The following PCDHGB5 variants were observed in gnomAD, a reference collection of about 807,000 sequenced individuals.
PCDHGB5 encodes protocadherin gamma-B5.
PCDHGB5 carries 48 observed loss-of-function variants against 62.9 expected under a neutral mutation model. The ratio of observed to expected loss-of-function variants is 0.76; its 90% CI spans 0.61 to 0.97. The LOEUF is 0.97. PCDHGB5 is among the 50% of genes least tolerant of loss of function. The probability of loss-of-function intolerance (pLI) is 0.00; values close to 1 mark genes in which losing one functional copy is unlikely to be tolerated. For missense variants in PCDHGB5, 1,118 were observed against 1,198.6 expected, an observed-to-expected ratio of 0.93 and a Z score of 0.99; for synonymous variants, 474 against 511.2, an observed-to-expected ratio of 0.93 and a Z score of 0.98.
rs994324285 is a variant in PCDHGB5 at position 141,455,094 on chromosome 5, G to A, written c.2398-39713G>A. Among the ~76,000 whole-genome samples the A allele has an allele frequency of 3.3e-5, 5 of 152,104 alleles. No individual in the cohort carries two copies. In the Middle Eastern group the frequency reaches 0.014, roughly 414 times the overall value. ...CCCAAAGTGCTGGGATTACAGGCTT[G>A]AGCCACTGCGCCCGGTGGGTCTAAT... On this transcript the variant is annotated intron_variant, in intron 1 of 3. Coordinates refer to ENST00000617380, the MANE Select transcript of PCDHGB5 (RefSeq NM_018925.3).
At chr5:141,505,564 G>GGATGTCAAACCTGTGTAGTTTCTCCA in intron 3 of PCDHGB5, 83 bp downstream of exon 3, 1 of 1,603,196 alleles carries the variant, frequency 6.2e-7, no homozygotes, top group Non-Finnish European at 8.5e-7. Context: ...CCCACGGACT[G>GGATGTCAAACCTGTGTAGTTTCTCCA]GATGTCAAAC....
Position 141,485,428 on chromosome 5 carries a change from C to T in PCDHGB5, c.2398-9379C>T, listed in dbSNP as rs2099613200. Reference sequence around the variant, plus strand: ...TGGATTTGGACAGCGGAGCCCTGCTCATCAAGAACCCAATCGACCGAGAGG... The same window carrying T: ...TGGATTTGGACAGCGGAGCCCTGCTTATCAAGAACCCAATCGACCGAGAGG... On this transcript the variant is annotated intron_variant, in intron 1 of 3. Transcript: ENST00000617380. The surrounding 1 kb of genome is among the most constrained non-coding windows in gnomAD (Gnocchi z 5.7). The T allele has an allele frequency of 2.5e-6, 4 of 1,614,160 alleles. No homozygotes were observed. The highest frequency in any genetic ancestry group is 3.4e-6 in the Non-Finnish European group (4 of 1,180,022).
At chr5:141,414,491 A>T in intron 1 of PCDHGB5, 1 of 1,613,962 alleles carries the variant, frequency 6.2e-7, no homozygotes, top group Non-Finnish European at 8.5e-7. Flanking sequence ...CTATCAACGG[A>T]AGCTCACTTT....
intron 1 of PCDHGB5, chr5:141,415,738 A>G (rs2095905853): frequency 5.6e-6 from 3 of 538,228 alleles, no homozygotes; most frequent in South Asian, 3.9e-5. Context: ...ATGTTTATTA[A>G]GGTTTTTTTT....
chr5:141,490,565 T>C lies in PCDHGB5; in HGVS notation c.2398-4242T>C. ...CTACACAAACATCTCACCATCAGGC[T>C]CAACATTTCAGATGTCAATGACAAT... On this transcript the variant is annotated intron_variant, in intron 1 of 3. Coordinates refer to ENST00000617380, the MANE Select transcript of PCDHGB5 (RefSeq NM_018925.3). This position sits in a 1 kb window ranked among gnomAD's most constrained non-coding sequence, Gnocchi z 5.4. 8 of 1,614,116 alleles carry C rather than the reference T, an allele frequency of 5.0e-6. No individual in the cohort carries two copies. Among genetic ancestry groups the C allele is most frequent in the Non-Finnish European group, 6.8e-6 (8 of 1,180,024 alleles).
intron 1 of PCDHGB5, among the ~76,000 whole-genome samples, chr5:141,454,796 ATTTTTTTTTTTTTTTTTTT>A (rs61612330): frequency 3.9e-5 from 3 of 77,408 alleles, no homozygotes; most frequent in African/African-American, 1.2e-4. Context: ...CATGGTTCTA[ATTTTTTTTTTTTTTTTTTT>A]TTTTTTTTTT....
At position 141,431,376 on chromosome 5, in the gene PCDHGB5, C is replaced by T. The variant is rs558222633; in HGVS notation, c.2397+30852C>T. The T allele has an allele frequency of 1.2e-6, 2 of 1,613,436 alleles. No homozygotes were observed. Among genetic ancestry groups the T allele is most frequent in the African/African-American group, 2.7e-5 (2 of 75,070 alleles). On this transcript the variant is annotated intron_variant, in intron 1 of 3. Coordinates refer to ENST00000617380, the MANE Select transcript of PCDHGB5 (RefSeq NM_018925.3). The surrounding 1 kb of genome is among the most constrained non-coding windows in gnomAD (Gnocchi z 4.8). Reference sequence around the variant, plus strand: ...CGCGCCCTGGACCGCGAAGAAAAGGCTGCTCACCACCTGGTCCTTACGGCC... The same window carrying T: ...CGCGCCCTGGACCGCGAAGAAAAGGTTGCTCACCACCTGGTCCTTACGGCC...
intron 1 of PCDHGB5, among the ~76,000 whole-genome samples, chr5:141,452,803 A>G (rs1045171800): frequency 2.6e-5 from 4 of 152,186 alleles, no homozygotes; most frequent in African/African-American, 9.7e-5. Context: ...TTTTTGCTGT[A>G]GTTTGTTCAT....
chr5:141,398,329 G>A lies in PCDHGB5; in HGVS notation c.202G>A (p.Val68Ile). 1.5e-6 allele frequency: 2 copies of A among 1,358,092 alleles called. No individual in the cohort carries two copies. Among genetic ancestry groups the A allele is most frequent in the African/African-American group, 1.5e-5 (1 of 68,210 alleles). 84.1% of individuals were successfully genotyped at this position (1,358,092 alleles called of 1,614,324 possible). Residue 68 changes from valine to isoleucine, a missense_variant, in exon 1 of 4, where the codon GTC becomes ATC. This residue lies in a region of PCDHGB5 where 84 missense variants were observed against 169.5 expected (regional missense o/e 0.50). Coordinates refer to ENST00000617380, the MANE Select transcript of PCDHGB5 (RefSeq NM_018925.3). ...VQELPTRKLR[V>I]SSEKPYFTVS... is the part of the protein sequence containing the mutation. ...GGAGTTACCGACTCGAAAACTGCGC[G>A]TCAGTTCGGAGAAGCCTTACTTCAC...
chr5:141,445,456 T>A (rs921684111), intron 1 of PCDHGB5, among the ~76,000 whole-genome samples: 8 of 152,218 alleles, frequency 5.3e-5, no homozygotes, highest in Non-Finnish European at 1.0e-4. Flanking sequence ...GATGCAGCAA[T>A]GAACAAGGCA....
chr5:141,449,630 T>G (rs1006977026), intron 1 of PCDHGB5, among the ~76,000 whole-genome samples: 2 of 150,024 alleles, frequency 1.3e-5, no homozygotes, highest in Non-Finnish European at 3.0e-5. Flanking sequence ...TTTAAAAAGA[T>G]GTATCTATAT....
intron 1 of PCDHGB5, chr5:141,478,024 C>T: frequency 2.5e-6 from 4 of 1,614,188 alleles, no homozygotes; most frequent in Non-Finnish European, 3.4e-6. Context: ...CAGTCCAAGA[C>T]ACAGATTCAC....
intron 1 of PCDHGB5, chr5:141,415,423 G>A: frequency 1.2e-6 from 2 of 1,614,204 alleles, no homozygotes; most frequent in Non-Finnish European, 1.7e-6. Context: ...CGTGGACGGG[G>A]TTCGGGCTTT....
At position 141,493,157 on chromosome 5, in the gene PCDHGB5, T is replaced by C. The variant is rs1261889479; in HGVS notation, c.2398-1650T>C. ...TTGAAACACCCCCAGGTGATTTTGATAGCTGATTGAGAGAAACTTACTATA... is the reference window on the plus strand; with the variant it reads ...TTGAAACACCCCCAGGTGATTTTGACAGCTGATTGAGAGAAACTTACTATA... On this transcript the variant is annotated intron_variant, in intron 1 of 3. Coordinates refer to ENST00000617380, the MANE Select transcript of PCDHGB5 (RefSeq NM_018925.3). This position sits in a 1 kb window ranked among gnomAD's most constrained non-coding sequence, Gnocchi z 4.3. 2.0e-5 allele frequency among the ~76,000 whole-genome samples: 3 copies of C among 152,224 alleles called. No individual in the cohort carries two copies. Among genetic ancestry groups the C allele is most frequent in the Admixed American group, 6.5e-5 (1 of 15,286 alleles).
At position 141,486,530 on chromosome 5, in the gene PCDHGB5, C is replaced by T; in HGVS notation, c.2398-8277C>T. 6.2e-7 allele frequency: 1 copy of T among 1,614,174 alleles called. No homozygotes were observed. The highest frequency in any genetic ancestry group is 8.5e-7 in the Non-Finnish European group (1 of 1,180,022). On this transcript the variant is annotated intron_variant, in intron 1 of 3. Transcript: ENST00000617380. The surrounding 1 kb of genome is among the most constrained non-coding windows in gnomAD (Gnocchi z 5.0). Reference sequence around the variant, plus strand: ...TATTTCAGATGTGAATGATAATCCACCCTCTTTCTTTCAGAGGTCACATGA... The same window carrying T: ...TATTTCAGATGTGAATGATAATCCATCCTCTTTCTTTCAGAGGTCACATGA...
At chr5:141,455,911 ATTTT>A (rs1404284843) in intron 1 of PCDHGB5, among the ~76,000 whole-genome samples, 2 of 114,614 alleles carry the variant, frequency 1.7e-5, no homozygotes, top group African/African-American at 3.3e-5. Context: ...TTATTTATTT[ATTTT>A]GAGACGGAGT....
At chr5:141,414,844 C>T (rs769714220) in intron 1 of PCDHGB5, 3 of 1,614,216 alleles carry the variant, frequency 1.9e-6, no homozygotes, top group South Asian at 2.2e-5. Flanking sequence ...CCTGTTTGTG[C>T]TGGACCAGAA....
At chr5:141,481,638 T>G (rs1465682432) in intron 1 of PCDHGB5, among the ~76,000 whole-genome samples, 1 of 152,014 alleles carries the variant, frequency 6.6e-6, no homozygotes, top group Admixed American at 6.6e-5. Context: ...GCCAACATGG[T>G]GAAACTTCAT....
intron 1 of PCDHGB5, chr5:141,408,675 CG>C (rs757230674): frequency 2.3e-5 from 37 of 1,613,832 alleles, no homozygotes; most frequent in Non-Finnish European, 3.1e-5. Flanking sequence ...GACCCTGCCA[CG>C]GATCCTGATA....
Sources: gnomAD v4.1 joint callset for allele counts (sites outside exome capture counted in the v4.1 genomes callset) on GRCh38, gnomAD v4.1.1 for gene constraint, gnomAD v4.1.1 regional missense constraint, Gnocchi (gnomAD v3.1) non-coding constraint, MANE v1.5 for transcripts, NCBI Gene and HGNC (gene_info 2026-07-23, HGNC 2026-07-21) for gene names.